The following TUBD1 variants were observed in gnomAD, a reference collection of about 807,000 sequenced individuals.
The protein encoded by TUBD1 is tubulin delta chain.
Under a neutral mutation model 51.2 loss-of-function variants are expected in TUBD1, and 38 were observed. The observed-to-expected ratio is 0.74, with a 90% CI of 0.57 to 0.97. The LOEUF is 0.97. TUBD1 is among the 50% of genes least tolerant of loss of function. The pLI, the probability that TUBD1 is intolerant of heterozygous loss-of-function variation, is 0.00. For synonymous variants in TUBD1, 169 were observed against 178.2 expected (o/e 0.95, Z 0.41); for missense variants, 489 against 538.4 (o/e 0.91, Z 0.91).
chr17:59,886,369 G>A lies in TUBD1; in HGVS notation c.173-139C>T, dbSNP rs942100117. On this transcript the variant is annotated intron_variant, in intron 2 of 8. Transcript: ENST00000325752. ...GGGGTTGTGGTTAGAAAGATCTGTC[G>A]TACTGCTTAGAAATCTCAGTGGGCA... 19 of 863,592 alleles carry A rather than the reference G, an allele frequency of 2.2e-5. No homozygotes were observed. In the East Asian group the frequency reaches 2.7e-4, roughly 12 times the overall value. The allele number at this position is 863,592 out of a possible 1,614,324, so 53.5% of individuals were successfully genotyped here.
chr17:59,866,463 T>C, intron 7 of TUBD1, 146 bp downstream of exon 7: 2 of 892,752 alleles, frequency 2.2e-6, no homozygotes, highest in Non-Finnish European at 3.4e-6. Context: ...ACATACTAAC[T>C]GATGCCATGG....
chr17:59,862,256 G>C (rs1207991166), intron 8 of TUBD1, among the ~76,000 whole-genome samples: 2 of 150,814 alleles, frequency 1.3e-5, no homozygotes, highest in Non-Finnish European at 2.9e-5. Flanking sequence ...CCAGGAGGCA[G>C]AGGTTGCAGT....
intron 3 of TUBD1, among the ~76,000 whole-genome samples, chr17:59,884,488 C>T (rs1387500792): frequency 6.6e-6 from 1 of 151,806 alleles, no homozygotes; most frequent in Non-Finnish European, 1.5e-5. Flanking sequence ...GTGGCAGGTA[C>T]CTGTAATTCC....
intron 1 of TUBD1, chr17:59,891,790 C>A (rs2041068883): frequency 6.6e-6 from 1 of 151,820 alleles, no homozygotes. Flanking sequence ...CATGGCAAAA[C>A]CCTGTTTGTA....
chr17:59,891,978 A>T (rs1568342644), intron 1 of TUBD1: 1 of 152,130 alleles, frequency 6.6e-6, no homozygotes, highest in African/African-American at 2.4e-5. Context: ...CAGAAAAAAA[A>T]AAAATTAAAA....
intron 6 of TUBD1, among the ~76,000 whole-genome samples, chr17:59,872,849 C>G (rs968567520): frequency 3.0e-4 from 46 of 151,762 alleles, no homozygotes; most frequent in Non-Finnish European, 4.7e-4. Context: ...TCACTGTAAC[C>G]TCTGCCTCCC....
At chr17:59,872,899 ACAGGC>A (rs1416647592) in intron 6 of TUBD1, among the ~76,000 whole-genome samples, 2 of 151,716 alleles carry the variant, frequency 1.3e-5, no homozygotes, top group Non-Finnish European at 2.9e-5. Flanking sequence ...CCCAGGAATT[ACAGGC>A]GACTGCCACC....
chr17:59,864,157 AT>A (rs1055683155), intron 7 of TUBD1, among the ~76,000 whole-genome samples: 1,608 of 144,852 alleles, frequency 0.011, 21 homozygotes, highest in African/African-American at 0.029. Flanking sequence ...ATTATTACTA[AT>A]TTTTTTTTTT....
chr17:59,879,431 A>G (rs1362369381), intron 4 of TUBD1, among the ~76,000 whole-genome samples: 3 of 152,146 alleles, frequency 2.0e-5, no homozygotes, highest in African/African-American at 4.8e-5. Flanking sequence ...AAGAAGCACA[A>G]TCATCTTCTC....
intron 5 of TUBD1, among the ~76,000 whole-genome samples, chr17:59,876,253 T>G (rs769658779): frequency 6.6e-6 from 1 of 151,936 alleles, no homozygotes; most frequent in Non-Finnish European, 1.5e-5. Flanking sequence ...CAATCAAAGC[T>G]CTGCAACCTC....
intron 2 of TUBD1, among the ~76,000 whole-genome samples, chr17:59,886,868 T>C (rs555531543): frequency 8.6e-5 from 13 of 150,578 alleles, no homozygotes; most frequent in Non-Finnish European, 1.6e-4. Context: ...CTGGCCAACA[T>C]GGTGAAATCC....
At chr17:59,886,030 T>C (rs2144564739) in intron 3 of TUBD1, 53 bp downstream of exon 3, 3 of 1,587,194 alleles carry the variant, frequency 1.9e-6, no homozygotes, top group Non-Finnish European at 2.6e-6. Context: ...TGCTATCTAT[T>C]AATTGACTGT....
intron 6 of TUBD1, among the ~76,000 whole-genome samples, chr17:59,868,272 A>C (rs1283316318): frequency 1.5e-5 from 2 of 137,734 alleles, no homozygotes; most frequent in African/African-American, 5.9e-5. Context: ...CAACAGAGCA[A>C]GACTCCATGT....
chr17:59,869,300 C>T (rs2039871284), intron 6 of TUBD1, among the ~76,000 whole-genome samples: 1 of 151,198 alleles, frequency 6.6e-6, no homozygotes, highest in African/African-American at 2.4e-5. Context: ...ATGGTGAAAC[C>T]CCGTCTCTAC....
chr17:59,885,555 A>T (rs2040685104), intron 3 of TUBD1: 6 of 1,458,040 alleles, frequency 4.1e-6, no homozygotes, highest in Non-Finnish European at 9.6e-7. Flanking sequence ...ACTAGATCTG[A>T]GGAGGCTTCG....
chr17:59,877,723 A>T (rs1323593046), intron 5 of TUBD1, among the ~76,000 whole-genome samples: 2 of 151,666 alleles, frequency 1.3e-5, no homozygotes, highest in East Asian at 3.9e-4. Flanking sequence ...GGTTGCAGTG[A>T]GTCAAGATCG....
rs554795123 is a variant in TUBD1 at position 59,866,737 on chromosome 17, T to G, written c.947A>C (p.His316Pro). 1.2e-6 allele frequency: 2 copies of G among 1,612,244 alleles called. No homozygotes were observed. The highest frequency in any genetic ancestry group is 1.1e-5 in the South Asian group (1 of 90,612). ...NAKMEEGIDR[H>P]VWPPLSGLPP... ...AAGTCCTGATAAAGGAGGCCATACATGCCTATCAATACCTACCAAAAGAAA... is the reference window on the plus strand; with the variant it reads ...AAGTCCTGATAAAGGAGGCCATACAGGCCTATCAATACCTACCAAAAGAAA... The change falls in exon 7 of 9, where the codon CAT (histidine) becomes CCT (proline). Residue 316 changes from histidine (H) to proline (P), a missense_variant. By Grantham distance (77) the His-to-Pro change is moderately conservative (BLOSUM62 -2). Coordinates refer to ENST00000325752, the MANE Select transcript of TUBD1 (RefSeq NM_016261.4).
intron 3 of TUBD1, among the ~76,000 whole-genome samples, chr17:59,883,634 G>C (rs2040586948): frequency 6.6e-6 from 1 of 151,992 alleles, no homozygotes; most frequent in African/African-American, 2.4e-5. Context: ...TCAAACTCCT[G>C]ACCTCAAGTG....
At chr17:59,877,907 G>GAT (rs1193266256) in intron 5 of TUBD1, among the ~76,000 whole-genome samples, 196 bp downstream of exon 5, 1 of 152,042 alleles carries the variant, frequency 6.6e-6, no homozygotes, top group Non-Finnish European at 1.5e-5. Flanking sequence ...AAGAGCAGTG[G>GAT]ATACCCACTG....
Sources: gnomAD v4.1 joint callset for allele counts (sites outside exome capture counted in the v4.1 genomes callset) on GRCh38, gnomAD v4.1.1 for gene constraint, MANE v1.5 for transcripts, NCBI Gene and HGNC (gene_info 2026-07-23, HGNC 2026-07-21) for gene names.